Variants in CORO2A observed in about 807,000 individuals in gnomAD.
The protein encoded by CORO2A is coronin 2A.
CORO2A carries 47 observed loss-of-function variants against 62.4 expected under a neutral mutation model. The observed-to-expected ratio is 0.75, with a 90% CI of 0.60 to 0.96. The LOEUF is 0.96. Ranked by LOEUF, CORO2A falls within the 40% of genes least tolerant of loss-of-function variation. The probability of loss-of-function intolerance (pLI) is 0.00; values close to 1 mark genes in which losing one functional copy is unlikely to be tolerated. For synonymous variants in CORO2A, 273 were observed against 268.9 expected, an observed-to-expected ratio of 1.02 and a Z score of -0.15; for missense variants, 610 against 684.1, an observed-to-expected ratio of 0.89 and a Z score of 1.21.
chr9:98,133,048 G>A lies in CORO2A; in HGVS notation c.638C>T (p.Thr213Ile). Reference sequence around the variant, plus strand: ...TGGCCCAGAACTGACCTGGAGGACGGTCCCTGCTCGGGGGTCAATAACCCG... The same window carrying A: ...TGGCCCAGAACTGACCTGGAGGACGATCCCTGCTCGGGGGTCAATAACCCG... ...KIRVIDPRAG[T>I]VLQEASYKGH... Residue 213 changes from threonine to isoleucine, a missense_variant, in exon 5 of 12, where the codon ACC becomes ATC. Coordinates refer to ENST00000375077, the MANE Select transcript of CORO2A (RefSeq NM_052820.4). 1 of 1,614,224 alleles carries A rather than the reference G, an allele frequency of 6.2e-7. No homozygotes were observed. The highest frequency in any genetic ancestry group is 1.1e-5 in the South Asian group (1 of 91,082).
At chr9:98,159,795 G>A (rs1827859148) in intron 1 of CORO2A, among the ~76,000 whole-genome samples, 1 of 151,988 alleles carries the variant, frequency 6.6e-6, no homozygotes, top group Non-Finnish European at 1.5e-5. Flanking sequence ...CTGGCTTGGA[G>A]CTTCCTCAGA....
Position 98,191,254 on chromosome 9 carries a change from G to A in CORO2A, c.-1+1305C>T, listed in dbSNP as rs535658212. Among the ~76,000 whole-genome samples the A allele has an allele frequency of 4.5e-5, 4 of 89,166 alleles. No homozygotes were observed. In the South Asian group the frequency reaches 1.3e-3, roughly 29 times the overall value. The allele number at this position is 89,166 out of a possible 152,430, so 58.5% of individuals were successfully genotyped here. ...TCTCCTCACTCCGGACCTCTCAGAC[G>A]GTCCCCAGGAGGGGCAGGAAGCTGG... is the stretch of plus-strand genomic sequence containing the variant. On this transcript the variant is annotated intron_variant, in intron 1 of 11. Coordinates refer to ENST00000375077, the MANE Select transcript of CORO2A (RefSeq NM_052820.4).
chr9:98,185,872 G>C (rs986844990), intron 1 of CORO2A, among the ~76,000 whole-genome samples: 2 of 152,228 alleles, frequency 1.3e-5, no homozygotes, highest in African/African-American at 4.8e-5. Flanking sequence ...CCTGGCAGCA[G>C]GCAGCCCCAG....
At position 98,126,852 on chromosome 9, in the gene CORO2A, C is replaced by T. The variant is rs111757914; in HGVS notation, c.1172-29G>A. On this transcript the variant is annotated intron_variant, in intron 10 of 11. Transcript: ENST00000375077. ...GAAGGGAAGCAGAGCCATGTGAGGACGGGGTGCCCACGGGAAGATGGGCAT... is the reference window on the plus strand; with the variant it reads ...GAAGGGAAGCAGAGCCATGTGAGGATGGGGTGCCCACGGGAAGATGGGCAT... 6.9e-4 allele frequency: 1,108 copies of T among 1,613,450 alleles called. 8 individuals carry two copies. In the African/African-American group the frequency reaches 0.011, roughly 16 times the overall value.
Position 98,122,072 on chromosome 9 carries a change from T to G in CORO2A, c.*2702A>C, listed in dbSNP as rs1212572065. 1 of 152,156 alleles carries G rather than the reference T, an allele frequency of 6.6e-6. No homozygotes were observed. The highest frequency in any genetic ancestry group is 1.5e-5 in the Non-Finnish European group (1 of 68,060). 9.4% of individuals were successfully genotyped at this position (152,156 alleles called of 1,614,324 possible). On this transcript the variant is annotated 3_prime_UTR_variant, in exon 12 of 12. Transcript: ENST00000375077. The stretch of plus-strand genomic sequence containing the variant: ...AAACAGGGGCACTGAACCCCCATCG[T>G]GCTGCAGCTGCGGTTCCCAGAGATG...
intron 7 of CORO2A, 89 bp from the exon 8 acceptor site, chr9:98,129,979 G>C: frequency 1.0e-6 from 1 of 993,916 alleles, no homozygotes; most frequent in Non-Finnish European, 1.6e-6. Flanking sequence ...CAAAGACCTG[G>C]CTTTTTTTGA....
intron 2 of CORO2A, among the ~76,000 whole-genome samples, chr9:98,142,753 C>A (rs1338654227): frequency 6.6e-6 from 1 of 151,412 alleles, no homozygotes; most frequent in Non-Finnish European, 1.5e-5. Context: ...TCCTTCTCAG[C>A]CTTCTCTTCC....
At chr9:98,180,345 G>A (rs1828162125) in intron 1 of CORO2A, among the ~76,000 whole-genome samples, 1 of 152,110 alleles carries the variant, frequency 6.6e-6, no homozygotes, top group Non-Finnish European at 1.5e-5. Flanking sequence ...TCAGCTTAGA[G>A]AAGTGCTCCC....
intron 3 of CORO2A, among the ~76,000 whole-genome samples, chr9:98,136,927 A>T (rs1343460127): frequency 2.0e-5 from 3 of 152,202 alleles, no homozygotes; most frequent in Admixed American, 6.5e-5. Flanking sequence ...GCCTCAAGTG[A>T]TTCTCCCACC....
intron 10 of CORO2A, 186 bp from the exon 11 acceptor site, chr9:98,127,009 C>A (rs894091240): frequency 3.1e-6 from 2 of 637,480 alleles, no homozygotes; most frequent in Admixed American, 5.8e-5. Flanking sequence ...GATACAAATA[C>A]CCACGTGTGC....
intron 8 of CORO2A, among the ~76,000 whole-genome samples, chr9:98,129,368 T>G (rs908992464): frequency 6.6e-6 from 1 of 152,210 alleles, no homozygotes; most frequent in South Asian, 2.1e-4. Context: ...TCTTTATGTT[T>G]AAAGTGGGTT....
chr9:98,141,232 AG>A (rs1377033401), intron 2 of CORO2A, among the ~76,000 whole-genome samples: 3 of 152,122 alleles, frequency 2.0e-5, no homozygotes, highest in African/African-American at 7.2e-5. Flanking sequence ...ACAGCAGGAC[AG>A]GGGAGAGAGG....
At chr9:98,139,549 C>T (rs933845171) in intron 2 of CORO2A, among the ~76,000 whole-genome samples, 1 of 152,182 alleles carries the variant, frequency 6.6e-6, no homozygotes, top group African/African-American at 2.4e-5. Flanking sequence ...ATCACTCGAA[C>T]CCAGGAGGTG....
intron 1 of CORO2A, among the ~76,000 whole-genome samples, chr9:98,177,658 G>T (rs867377814): frequency 1.8e-4 from 27 of 151,144 alleles, no homozygotes; most frequent in African/African-American, 6.6e-4. Flanking sequence ...TAATAGTGAT[G>T]GGGTTTCACC....
At chr9:98,151,988 T>A (rs1849915619) in intron 2 of CORO2A, among the ~76,000 whole-genome samples, 3 of 151,974 alleles carry the variant, frequency 2.0e-5, no homozygotes, top group Non-Finnish European at 4.4e-5. Flanking sequence ...GGCTAATTTT[T>A]GTATTTTTAG....
At chr9:98,165,152 G>T (rs1163610547) in intron 1 of CORO2A, among the ~76,000 whole-genome samples, 3 of 152,082 alleles carry the variant, frequency 2.0e-5, no homozygotes, top group African/African-American at 7.2e-5. Context: ...TAAAGACAGG[G>T]TTTCACTCTG....
At chr9:98,164,633 C>T (rs770344891) in intron 1 of CORO2A, among the ~76,000 whole-genome samples, 1 of 152,212 alleles carries the variant, frequency 6.6e-6, no homozygotes, top group Admixed American at 6.5e-5. Flanking sequence ...TAAGGCCAGA[C>T]CCTGGTTTAA....
In CORO2A at chr9:98,167,103, C is replaced by CAA. The variant is rs35581733; in HGVS notation, c.1-9445_1-9444dup. 8.3e-3 allele frequency among the ~76,000 whole-genome samples: 820 copies of CAA among 98,854 alleles called. 4 individuals carry two copies. Among genetic ancestry groups the CAA allele is most frequent in the African/African-American group, 0.01 (293 of 27,906 alleles). The allele number at this position is 98,854 out of a possible 152,430, so 64.9% of individuals were successfully genotyped here. A position where few individuals can be genotyped will look rare whatever the true frequency, so the allele number is the denominator to read the frequency against. ...TGGGTGATAAAGCAAGATCCTGTCT[C>CAA]AAAAAAAAAAAAAAAAGAAAGAAAA... On this transcript the variant is annotated intron_variant, in intron 1 of 11. Coordinates refer to ENST00000375077, the MANE Select transcript of CORO2A (RefSeq NM_052820.4).
intron 3 of CORO2A, 93 bp downstream of exon 3, chr9:98,137,479 G>C: frequency 1.0e-6 from 1 of 998,698 alleles, no homozygotes; most frequent in Non-Finnish European, 1.6e-6. Context: ...GATGGAGTCA[G>C]GGGCACCAGA....
Sources: gnomAD v4.1 joint callset for allele counts (sites outside exome capture counted in the v4.1 genomes callset) on GRCh38, gnomAD v4.1.1 for gene constraint, MANE v1.5 for transcripts, NCBI Gene and HGNC (gene_info 2026-07-23, HGNC 2026-07-21) for gene names.